CHMP4B: variants seen among roughly 807,000 people sequenced by gnomAD.
CHMP4B encodes charged multivesicular body protein 4B, also known as SNF7 homolog associated with Alix 1.
In CHMP4B, 1 loss-of-function variant was observed where a neutral mutation model predicts 25.1. That is an observed-to-expected ratio of 0.04 (90% CI 0.01 to 0.19). CHMP4B has a LOEUF of 0.19. CHMP4B is among the 10% of genes least tolerant of loss of function. The pLI is 1.00. For missense variants in CHMP4B, 151 were observed against 289.7 expected, an observed-to-expected ratio of 0.52 and a Z score of 3.48; for synonymous variants, 101 against 115.6, an observed-to-expected ratio of 0.87 and a Z score of 0.81.
At chr20:33,832,374 G>A (rs111816225) in intron 1 of CHMP4B, among the ~76,000 whole-genome samples, 7 of 152,316 alleles carry the variant, frequency 4.6e-5, no homozygotes, top group Non-Finnish European at 1.0e-4. Context: ...AGAGCATCCA[G>A]CCTGGGACCT....
intron 1 of CHMP4B, among the ~76,000 whole-genome samples, chr20:33,819,425 G>A (rs1331350905): frequency 6.6e-6 from 1 of 152,206 alleles, no homozygotes; most frequent in East Asian, 1.9e-4. Context: ...GTAAAGGGAT[G>A]AGCATCTAGG....
chr20:33,811,393 C>T lies in CHMP4B; in HGVS notation c.-76C>T. ...GGAGCGGCGGGACTGGGAGCGGGCG[C>T]CGGAGCCGACCCGAGCCGAGCCGAG... On this transcript the variant is annotated 5_prime_UTR_variant, in exon 1 of 5. Transcript: ENST00000217402. 1 of 1,229,332 alleles carries T rather than the reference C, an allele frequency of 8.1e-7. No individual in the cohort carries two copies. Among genetic ancestry groups the T allele is most frequent in the Non-Finnish European group, 1.0e-6 (1 of 968,444 alleles). 76.2% of individuals were successfully genotyped at this position (1,229,332 alleles called of 1,614,324 possible).
Position 33,853,602 on chromosome 20 carries a change from C to T in CHMP4B, c.*42C>T. 1 of 1,579,326 alleles carries T rather than the reference C, an allele frequency of 6.3e-7. No homozygotes were observed. Among genetic ancestry groups the T allele is most frequent in the Non-Finnish European group, 8.7e-7 (1 of 1,148,608 alleles). On this transcript the variant is annotated 3_prime_UTR_variant, in exon 5 of 5. Coordinates refer to ENST00000217402, the MANE Select transcript of CHMP4B (RefSeq NM_176812.5). ...CTGGGCCCAGACAGACTGTGGTGGCCTGCGCAGCGAGCAGGCGTGTGCGTG... is the reference window on the plus strand; with the variant it reads ...CTGGGCCCAGACAGACTGTGGTGGCTTGCGCAGCGAGCAGGCGTGTGCGTG...
rs55917511 is a variant in CHMP4B at position 33,830,933 on chromosome 20, G to GTTTTTTTTTTTTTTTTTTTTTTTTTT, written c.191-17518_191-17517insTTTTTTTTTTTTTTTTTTTTTTTTTT. Among the ~76,000 whole-genome samples, 61 of 102,540 alleles carry GTTTTTTTTTTTTTTTTTTTTTTTTTT rather than the reference G, an allele frequency of 5.9e-4. 1 individual carries two copies. The highest frequency in any genetic ancestry group is 1.9e-3 in the East Asian group (4 of 2,148). The allele number at this position is 102,540 out of a possible 152,430, so 67.3% of individuals were successfully genotyped here. ...TGAATTAATTGTTCAAAGGAACAGA[G>GTTTTTTTTTTTTTTTTTTTTTTTTTT]TTTTTTTTTTTTTTTTAGTTTTTTT... On this transcript the variant is annotated intron_variant, in intron 1 of 4. Transcript: ENST00000217402.
chr20:33,822,078 G>T (rs1978957169), intron 1 of CHMP4B, among the ~76,000 whole-genome samples: 2 of 151,930 alleles, frequency 1.3e-5, no homozygotes, highest in South Asian at 4.1e-4. Flanking sequence ...ACCCACCTTG[G>T]CCTCCTAAGG....
chr20:33,838,627 G>A lies in CHMP4B; in HGVS notation c.191-9840G>A, dbSNP rs564408393. ...GGGTGCTCAGTTTTAGCCTCTGATCGCTGTTTAAATGAAATTCTGCAGCCT... is the reference window on the plus strand; with the variant it reads ...GGGTGCTCAGTTTTAGCCTCTGATCACTGTTTAAATGAAATTCTGCAGCCT... On this transcript the variant is annotated intron_variant, in intron 1 of 4. Coordinates refer to ENST00000217402, the MANE Select transcript of CHMP4B (RefSeq NM_176812.5). Among the ~76,000 whole-genome samples, 245 of 152,286 alleles carry A rather than the reference G, an allele frequency of 1.6e-3. 1 individual carries two copies. Among genetic ancestry groups the A allele is most frequent in the African/African-American group, 5.7e-3 (235 of 41,546 alleles).
At chr20:33,848,051 T>C (rs1178895821) in intron 1 of CHMP4B, among the ~76,000 whole-genome samples, 2 of 150,762 alleles carry the variant, frequency 1.3e-5, no homozygotes, top group Non-Finnish European at 3.0e-5. Flanking sequence ...GCATACACAC[T>C]GATGAATGTG....
At chr20:33,831,607 C>T (rs1568607970) in intron 1 of CHMP4B, among the ~76,000 whole-genome samples, 1 of 152,120 alleles carries the variant, frequency 6.6e-6, no homozygotes, top group East Asian at 1.9e-4. Context: ...CTCGTGGCCT[C>T]AAGTGATCCT....
chr20:33,837,883 C>A (rs1370872532), intron 1 of CHMP4B, among the ~76,000 whole-genome samples: 1 of 152,168 alleles, frequency 6.6e-6, no homozygotes, highest in Non-Finnish European at 1.5e-5. Context: ...TTGTTTCAAT[C>A]CTGTTATTGG....
Position 33,850,029 on chromosome 20 carries a change from G to C in CHMP4B, c.369-923G>C, listed in dbSNP as rs143945967. Among the ~76,000 whole-genome samples the C allele has an allele frequency of 7.7e-3, 1,172 of 152,234 alleles. 14 individuals carry two copies. The highest frequency in any genetic ancestry group is 0.027 in the African/African-American group (1,114 of 41,518). On this transcript the variant is annotated intron_variant, in intron 2 of 4. Transcript: ENST00000217402. ...TGGCCTCAAGTGATCCTCCCTCCTG[G>C]GCCTCTCAAAGTTTTGGGATTACAG...
intron 1 of CHMP4B, among the ~76,000 whole-genome samples, chr20:33,823,733 T>C (rs1568606333): frequency 6.6e-6 from 1 of 152,062 alleles, no homozygotes; most frequent in Non-Finnish European, 1.5e-5. Context: ...GTGAAGCCAA[T>C]AGGGTTGCAC....
Position 33,811,418 on chromosome 20 carries a change from GC to G in CHMP4B, c.-49del. On this transcript the variant is annotated 5_prime_UTR_variant, in exon 1 of 5. Transcript: ENST00000217402. The stretch of plus-strand genomic sequence containing the variant: ...CCGGAGCCGACCCGAGCCGAGCCGA[GC>G]CGAGCCGAGCCGGAGCGGGCGGCGA... The G allele has an allele frequency of 1.4e-6, 2 of 1,429,348 alleles. No homozygotes were observed. The highest frequency in any genetic ancestry group is 1.8e-6 in the Non-Finnish European group (2 of 1,090,860). The allele number at this position is 1,429,348 out of a possible 1,614,324, so 88.5% of individuals were successfully genotyped here.
chr20:33,852,329 G>C (rs1330329043), intron 4 of CHMP4B, 126 bp downstream of exon 4: 1 of 1,149,268 alleles, frequency 8.7e-7, no homozygotes, highest in Admixed American at 1.7e-5. Flanking sequence ...TGTGTCCTGA[G>C]CTTGCCCAAG....
intron 4 of CHMP4B, 42 bp downstream of exon 4, chr20:33,852,245 G>A (rs1217883944): frequency 4.3e-6 from 7 of 1,612,992 alleles, no homozygotes; most frequent in Non-Finnish European, 5.9e-6. Context: ...AGGTCATGTG[G>A]CAGGTGATCT....
intron 1 of CHMP4B, among the ~76,000 whole-genome samples, chr20:33,830,420 G>GTGGT: frequency 6.6e-6 from 1 of 152,200 alleles, no homozygotes; most frequent in East Asian, 1.9e-4. Context: ...CATAGACTGG[G>GTGGT]TGGTTTAAGC....
intron 1 of CHMP4B, among the ~76,000 whole-genome samples, chr20:33,832,062 C>G (rs1979266927): frequency 6.6e-6 from 1 of 152,188 alleles, no homozygotes. Context: ...TCCCTCTTGC[C>G]TTGCTTTTCT....
Position 33,823,032 on chromosome 20 carries a change from C to T in CHMP4B, c.190+11374C>T, listed in dbSNP as rs559568455. Among the ~76,000 whole-genome samples the T allele has an allele frequency of 3.3e-5, 5 of 152,218 alleles. No homozygotes were observed. In the South Asian group the frequency reaches 8.3e-4, roughly 25 times the overall value. ...CTCAATCTCCTGACCTTGTAATCCA[C>T]CCGCCTCAGCCTCCCAAAGTGCTGA... On this transcript the variant is annotated intron_variant, in intron 1 of 4. Transcript: ENST00000217402.
intron 4 of CHMP4B, 142 bp downstream of exon 4, chr20:33,852,345 G>C (rs1374200995): frequency 9.9e-7 from 1 of 1,011,704 alleles, no homozygotes; most frequent in African/African-American, 1.6e-5. Context: ...CCAAGATTGA[G>C]AACCAGACAG....
intron 1 of CHMP4B, among the ~76,000 whole-genome samples, chr20:33,825,284 G>A (rs182156354): frequency 6.6e-4 from 100 of 152,256 alleles, no homozygotes; most frequent in African/African-American, 2.4e-3. Context: ...TATACCCACC[G>A]TCTTTCTTCC....
Sources: allele counts gnomAD v4.1 joint callset (sites outside exome capture counted in the v4.1 genomes callset), GRCh38; gene constraint gnomAD v4.1.1; transcripts MANE v1.5; gene names NCBI Gene and HGNC (gene_info 2026-07-23, HGNC 2026-07-21).